Variants in ADK observed in about 807,000 individuals in gnomAD.
ADK encodes adenosine kinase.
In ADK, 24 loss-of-function variants were observed where a neutral mutation model predicts 44.7. The ratio of observed to expected loss-of-function variants is 0.54; its 90% CI spans 0.39 to 0.76. The LOEUF (loss-of-function observed/expected upper bound fraction) is 0.76, where lower values mean the gene tolerates loss of function less well. Ranked by LOEUF, ADK falls within the 30% of genes least tolerant of loss-of-function variation. The probability of loss-of-function intolerance (pLI) is 0.00; values close to 1 mark genes in which losing one functional copy is unlikely to be tolerated. For missense variants in ADK, 321 were observed against 425.1 expected, an observed-to-expected ratio of 0.76 and a Z score of 2.15; for synonymous variants, 128 against 142.6, an observed-to-expected ratio of 0.90 and a Z score of 0.73.
chr10:74,682,799 C>G, intron 10 of ADK, among the ~76,000 whole-genome samples: 1 of 152,040 alleles, frequency 6.6e-6, no homozygotes, highest in East Asian at 1.9e-4. Flanking sequence ...GTCTCTAACT[C>G]CTGACCTCAG....
intron 10 of ADK, among the ~76,000 whole-genome samples, chr10:74,696,897 A>G (rs955851835): frequency 2.0e-5 from 3 of 152,198 alleles, no homozygotes; most frequent in African/African-American, 7.2e-5. Flanking sequence ...GGCTTTATAT[A>G]TATGAGGTAT....
chr10:74,324,340 T>C (rs1554842929), intron 4 of ADK, among the ~76,000 whole-genome samples: 1 of 152,168 alleles, frequency 6.6e-6, no homozygotes, highest in Non-Finnish European at 1.5e-5. Context: ...TTTCACCAAT[T>C]GTCAAAAACT....
chr10:74,559,930 A>T, intron 7 of ADK, among the ~76,000 whole-genome samples: 1 of 147,696 alleles, frequency 6.8e-6, no homozygotes. Context: ...CAGTTTGTCC[A>T]TTGACTTTTT....
intron 8 of ADK, among the ~76,000 whole-genome samples, chr10:74,598,799 T>G (rs1460439103): frequency 6.6e-6 from 1 of 152,162 alleles, no homozygotes; most frequent in African/African-American, 2.4e-5. Context: ...AAAGACTTTC[T>G]TTTAAAGAAC....
intron 6 of ADK, among the ~76,000 whole-genome samples, chr10:74,491,214 T>G (rs1847472195): frequency 6.6e-6 from 1 of 152,124 alleles, no homozygotes; most frequent in Non-Finnish European, 1.5e-5. Context: ...CAGTGAGTGT[T>G]TGTTGAGTGA....
chr10:74,337,131 T>A (rs907754360), intron 4 of ADK, among the ~76,000 whole-genome samples: 1 of 152,184 alleles, frequency 6.6e-6, no homozygotes, highest in Non-Finnish European at 1.5e-5. Context: ...AAGCAAGGAT[T>A]TTAGAACAAA....
At chr10:74,626,422 C>T (rs1853207107) in intron 9 of ADK, among the ~76,000 whole-genome samples, 1 of 151,808 alleles carries the variant, frequency 6.6e-6, no homozygotes, top group African/African-American at 2.4e-5. Flanking sequence ...GCCTCAGCCT[C>T]TTCCAAGTAG....
chr10:74,374,768 C>T (rs940386441), intron 4 of ADK, among the ~76,000 whole-genome samples: 1 of 152,064 alleles, frequency 6.6e-6, no homozygotes, highest in African/African-American at 2.4e-5. Context: ...ATGAGTTTCT[C>T]TATGTATAAT....
chr10:74,298,009 A>G (rs1839878393), intron 3 of ADK, among the ~76,000 whole-genome samples: 1 of 152,126 alleles, frequency 6.6e-6, no homozygotes, highest in South Asian at 2.1e-4. Context: ...GGGCATACCT[A>G]TATGTCAAAA....
At chr10:74,528,154 A>G (rs1849131886) in intron 7 of ADK, 3 of 1,024,388 alleles carry the variant, frequency 2.9e-6, no homozygotes, top group Non-Finnish European at 4.3e-6. Context: ...TATAGATCAG[A>G]AGTTTCACTT....
intron 6 of ADK, among the ~76,000 whole-genome samples, chr10:74,420,046 G>A (rs927594662): frequency 6.6e-6 from 1 of 152,248 alleles, no homozygotes; most frequent in Admixed American, 6.5e-5. Context: ...GCCACCAGGG[G>A]GAGGAAGCTA....
At chr10:74,655,305 A>T in intron 9 of ADK, 1 of 459,702 alleles carries the variant, frequency 2.2e-6, no homozygotes, top group East Asian at 5.4e-5. Flanking sequence ...TGAAATGATG[A>T]AGAAAAAAGG....
At chr10:74,330,432 A>T (rs557268377) in intron 4 of ADK, among the ~76,000 whole-genome samples, 13 of 151,832 alleles carry the variant, frequency 8.6e-5, no homozygotes, top group East Asian at 1.9e-4. Flanking sequence ...CTTAAAAAAA[A>T]TTTTTTTTTA....
chr10:74,404,331 A>G (rs182764110), intron 6 of ADK, among the ~76,000 whole-genome samples: 118 of 152,192 alleles, frequency 7.8e-4, no homozygotes, highest in African/African-American at 2.5e-3. Flanking sequence ...ATAAGAAAAA[A>G]TTCATATTTT....
At chr10:74,472,136 A>C (rs1330485993) in intron 6 of ADK, among the ~76,000 whole-genome samples, 1 of 152,078 alleles carries the variant, frequency 6.6e-6, no homozygotes, top group African/African-American at 2.4e-5. Context: ...TCAGGAGTTC[A>C]AGGTTACAGT....
At chr10:74,498,379 A>C (rs527695231) in intron 6 of ADK, among the ~76,000 whole-genome samples, 1 of 152,360 alleles carries the variant, frequency 6.6e-6, no homozygotes, top group Admixed American at 6.5e-5. Context: ...TATGGAATTC[A>C]TACCAAATAA....
chr10:74,348,965 A>G (rs1033589297), intron 4 of ADK, among the ~76,000 whole-genome samples: 2 of 152,166 alleles, frequency 1.3e-5, no homozygotes, highest in Non-Finnish European at 2.9e-5. Flanking sequence ...GACAGGGAGA[A>G]TGGAACCAAG....
chr10:74,411,565 G>A (rs1844178675), intron 6 of ADK, among the ~76,000 whole-genome samples: 1 of 152,162 alleles, frequency 6.6e-6, no homozygotes, highest in Non-Finnish European at 1.5e-5. Context: ...GCTAAAAAAT[G>A]CTAGTGATCA....
At chr10:74,184,315 G>T (rs1318825232) in intron 1 of ADK, among the ~76,000 whole-genome samples, 3 of 152,056 alleles carry the variant, frequency 2.0e-5, no homozygotes, top group Non-Finnish European at 4.4e-5. Context: ...CTGTTATCCT[G>T]ACATTATTAT....
Sources: allele counts gnomAD v4.1 joint callset (sites outside exome capture counted in the v4.1 genomes callset), GRCh38; gene constraint gnomAD v4.1.1; transcripts MANE v1.5; gene names NCBI Gene and HGNC (gene_info 2026-07-23, HGNC 2026-07-21).